Variants in TBC1D22A observed in about 807,000 individuals in gnomAD.
TBC1D22A encodes TBC1 domain family member 22A.
In TBC1D22A, 38 loss-of-function variants were observed where a neutral mutation model predicts 60.2. The observed-to-expected ratio is 0.63, with a 90% CI of 0.49 to 0.83. The LOEUF is 0.83. Among genes scored for constraint, TBC1D22A ranks in the 40% least tolerant of loss-of-function variants. TBC1D22A has a pLI of 0.00. For missense variants in TBC1D22A, 628 were observed against 701.0 expected, an observed-to-expected ratio of 0.90 and a Z score of 1.18; for synonymous variants, 302 against 281.7, an observed-to-expected ratio of 1.07 and a Z score of -0.72.
chr22:47,029,758 G>A (rs2062401197), intron 10 of TBC1D22A, among the ~76,000 whole-genome samples: 1 of 152,220 alleles, frequency 6.6e-6, no homozygotes, highest in Admixed American at 6.5e-5. Context: ...GCTCTTCCTT[G>A]AGCCCCATCT....
intron 4 of TBC1D22A, among the ~76,000 whole-genome samples, chr22:46,839,323 T>C (rs2086652276): frequency 6.6e-6 from 1 of 151,952 alleles, no homozygotes; most frequent in African/African-American, 2.4e-5. Flanking sequence ...TTTTTTTTTT[T>C]TTGAGACGGA....
At chr22:47,053,667 A>T (rs1196957375) in intron 11 of TBC1D22A, among the ~76,000 whole-genome samples, 1 of 152,234 alleles carries the variant, frequency 6.6e-6, no homozygotes, top group Non-Finnish European at 1.5e-5. Context: ...AACTTGTGAC[A>T]TATTGTCGGG....
chr22:47,032,932 G>A (rs1424233665), intron 10 of TBC1D22A, among the ~76,000 whole-genome samples: 2 of 152,196 alleles, frequency 1.3e-5, no homozygotes, highest in African/African-American at 2.4e-5. Context: ...GCCCTGTGTG[G>A]CCCCTCCTTC....
At chr22:47,136,953 G>A (rs1185013064) in intron 12 of TBC1D22A, among the ~76,000 whole-genome samples, 3 of 152,194 alleles carry the variant, frequency 2.0e-5, no homozygotes, top group Non-Finnish European at 4.4e-5. Context: ...GGCTGTGGGT[G>A]TCGCCAGCCC....
At chr22:46,826,007 C>T (rs555973725) in intron 4 of TBC1D22A, among the ~76,000 whole-genome samples, 72 of 152,008 alleles carry the variant, frequency 4.7e-4, no homozygotes, top group African/African-American at 1.4e-3. Flanking sequence ...CTCAGCCTCC[C>T]GAGTAGCTGG....
intron 4 of TBC1D22A, among the ~76,000 whole-genome samples, chr22:46,874,834 A>G (rs189689431): frequency 4.9e-4 from 74 of 152,182 alleles, no homozygotes; most frequent in African/African-American, 1.7e-3. Context: ...TTGGCCTCCC[A>G]AAGTGCTAGG....
intron 8 of TBC1D22A, among the ~76,000 whole-genome samples, chr22:46,947,727 G>A (rs2072638418): frequency 2.2e-5 from 2 of 91,958 alleles, no homozygotes; most frequent in Admixed American, 1.3e-4. Context: ...CCTCCCTCAC[G>A]CTGTTGCCAG....
intron 11 of TBC1D22A, among the ~76,000 whole-genome samples, chr22:47,073,191 A>G (rs1223289727): frequency 6.6e-6 from 1 of 152,230 alleles, no homozygotes; most frequent in Non-Finnish European, 1.5e-5. Flanking sequence ...AGAAATAGAC[A>G]TGACCCAGAA....
intron 8 of TBC1D22A, among the ~76,000 whole-genome samples, chr22:46,970,656 G>A (rs1044526595): frequency 3.3e-5 from 5 of 152,154 alleles, no homozygotes; most frequent in East Asian, 1.9e-4. Context: ...CATGCCTGGC[G>A]GACAGTGTGT....
chr22:47,013,834 G>A (rs1602996684), intron 10 of TBC1D22A, among the ~76,000 whole-genome samples: 1 of 152,246 alleles, frequency 6.6e-6, no homozygotes, highest in East Asian at 1.9e-4. Flanking sequence ...AACCCTTCAG[G>A]GTAAGGGACA....
At position 46,801,327 on chromosome 22, in the gene TBC1D22A, A is replaced by C. The variant is rs538498111; in HGVS notation, c.637+3707A>C. Among the ~76,000 whole-genome samples, 3 of 152,370 alleles carry C rather than the reference A, an allele frequency of 2.0e-5. No homozygotes were observed. In the East Asian group the frequency reaches 5.8e-4, roughly 29 times the overall value. On this transcript the variant is annotated intron_variant, in intron 4 of 12. Coordinates refer to ENST00000337137, the MANE Select transcript of TBC1D22A (RefSeq NM_014346.5). ...TTTCTTCACATTACATGAAAGACGT[A>C]AGTGGCAAATATTTGCCAATGTTGG... is the stretch of plus-strand genomic sequence containing the variant.
intron 10 of TBC1D22A, among the ~76,000 whole-genome samples, chr22:47,013,883 C>T (rs1247647572): frequency 6.6e-6 from 1 of 152,230 alleles, no homozygotes; most frequent in Non-Finnish European, 1.5e-5. Flanking sequence ...CTAGGCCTCC[C>T]TCTGCAGTCA....
chr22:47,145,201 C>T (rs577848028), intron 12 of TBC1D22A, among the ~76,000 whole-genome samples: 9 of 152,356 alleles, frequency 5.9e-5, no homozygotes, highest in African/African-American at 1.9e-4. Context: ...CCTGCGTCTT[C>T]TGCCAAAGGT....
At chr22:47,087,825 C>T (rs1193980383) in intron 11 of TBC1D22A, among the ~76,000 whole-genome samples, 1 of 152,120 alleles carries the variant, frequency 6.6e-6, no homozygotes, top group African/African-American at 2.4e-5. Context: ...CCTGTAATCC[C>T]AGCACTTTAG....
intron 4 of TBC1D22A, among the ~76,000 whole-genome samples, chr22:46,848,501 C>G (rs184705620): frequency 1.6e-3 from 245 of 152,332 alleles, no homozygotes; most frequent in African/African-American, 5.4e-3. Flanking sequence ...GTATGGTTCT[C>G]TAAGCCGAGG....
chr22:47,161,062 C>T (rs2067964940), intron 12 of TBC1D22A, among the ~76,000 whole-genome samples: 1 of 152,184 alleles, frequency 6.6e-6, no homozygotes, highest in South Asian at 2.1e-4. Flanking sequence ...CTGGTCAGGC[C>T]CTGCCTCCCA....
At chr22:47,123,327 G>A (rs528612125) in intron 12 of TBC1D22A, among the ~76,000 whole-genome samples, 30 of 152,320 alleles carry the variant, frequency 2.0e-4, no homozygotes, top group Non-Finnish European at 3.5e-4. Context: ...GTTTCAGGCC[G>A]TGGTTTTGCA....
intron 10 of TBC1D22A, among the ~76,000 whole-genome samples, chr22:47,007,990 T>C (rs1057328594): frequency 1.3e-5 from 2 of 152,212 alleles, no homozygotes; most frequent in African/African-American, 4.8e-5. Context: ...ATGACTCTTG[T>C]CTTGGGCAGG....
At chr22:46,884,542 T>C (rs1361615865) in intron 5 of TBC1D22A, among the ~76,000 whole-genome samples, 2 of 152,144 alleles carry the variant, frequency 1.3e-5, no homozygotes, top group Admixed American at 1.3e-4. Context: ...CTGCTGGCCC[T>C]GCACAGACTG....
Sources: allele counts gnomAD v4.1 joint callset (sites outside exome capture counted in the v4.1 genomes callset), GRCh38; gene constraint gnomAD v4.1.1; transcripts MANE v1.5; gene names NCBI Gene and HGNC (gene_info 2026-07-23, HGNC 2026-07-21).